The following CPXM2 variants were observed in gnomAD, a reference collection of about 807,000 sequenced individuals.
CPXM2 encodes inactive carboxypeptidase-like protein X2.
Under a neutral mutation model 86.1 loss-of-function variants are expected in CPXM2, and 66 were observed. The observed-to-expected ratio is 0.77, with a 90% CI of 0.63 to 0.94. The LOEUF is 0.94. CPXM2 is among the 40% of genes least tolerant of loss of function. The pLI, the probability that CPXM2 is intolerant of heterozygous loss-of-function variation, is 0.00. For missense variants in CPXM2, 948 were observed against 1,026.3 expected (o/e 0.92, Z 1.04); for synonymous variants, 388 against 400.2 (o/e 0.97, Z 0.36).
chr10:123,916,872 A>C (rs7082004), intron 2 of CPXM2, among the ~76,000 whole-genome samples: 4 of 151,290 alleles, frequency 2.6e-5, no homozygotes, highest in Non-Finnish European at 4.4e-5. Context: ...GGAACTCCTG[A>C]GTTCAAGCGA....
At chr10:123,783,527 C>A (rs1430537970) in intron 6 of CPXM2, among the ~76,000 whole-genome samples, 2 of 152,212 alleles carry the variant, frequency 1.3e-5, no homozygotes, top group East Asian at 3.9e-4. Context: ...TGCAGGAGCA[C>A]AGTCTCTTCT....
At chr10:123,792,231 G>A (rs1320930110) in intron 6 of CPXM2, among the ~76,000 whole-genome samples, 1 of 152,192 alleles carries the variant, frequency 6.6e-6, no homozygotes, top group East Asian at 1.9e-4. Context: ...CCAAACCTCA[G>A]GCAGGGCAAG....
chr10:123,784,986 A>G (rs1847017580), intron 6 of CPXM2, among the ~76,000 whole-genome samples: 1 of 152,236 alleles, frequency 6.6e-6, no homozygotes, highest in African/African-American at 2.4e-5. Flanking sequence ...AGGACTTTGT[A>G]ATTTTACTTC....
chr10:123,868,448 C>A (rs539651671), intron 2 of CPXM2, among the ~76,000 whole-genome samples: 8 of 152,248 alleles, frequency 5.3e-5, no homozygotes, highest in Admixed American at 3.3e-4. Flanking sequence ...AAGGCAGAGA[C>A]GGCAGAAAGG....
At chr10:123,920,137 A>C (rs1209236176) in intron 2 of CPXM2, among the ~76,000 whole-genome samples, 1 of 152,220 alleles carries the variant, frequency 6.6e-6, no homozygotes, top group Non-Finnish European at 1.5e-5. Context: ...AGATCAATAG[A>C]AATTACCCAG....
At chr10:123,841,447 A>T (rs1848383570) in intron 4 of CPXM2, among the ~76,000 whole-genome samples, 1 of 152,238 alleles carries the variant, frequency 6.6e-6, no homozygotes, top group African/African-American at 2.4e-5. Flanking sequence ...ATTTGCAACC[A>T]TCTATCTCCA....
chr10:123,770,620 C>T (rs543492795), intron 8 of CPXM2, among the ~76,000 whole-genome samples: 35 of 152,364 alleles, frequency 2.3e-4, no homozygotes, highest in South Asian at 2.1e-3. Context: ...CTGCCCACCT[C>T]AGCCACTTTC....
At chr10:123,857,431 A>T (rs189938579) in intron 3 of CPXM2, among the ~76,000 whole-genome samples, 1 of 152,180 alleles carries the variant, frequency 6.6e-6, no homozygotes, top group African/African-American at 2.4e-5. Flanking sequence ...TTAAAAACAC[A>T]TTAGCACAAT....
upstream of CPXM2, among the ~76,000 whole-genome samples, chr10:123,942,140 G>A (rs1256911565): frequency 1.3e-5 from 2 of 152,204 alleles, no homozygotes; most frequent in Admixed American, 1.3e-4. Flanking sequence ...GATGGATTTT[G>A]TCTGGTAGAA....
At chr10:123,761,166 A>G (rs1846327825) in intron 11 of CPXM2, among the ~76,000 whole-genome samples, 1 of 152,192 alleles carries the variant, frequency 6.6e-6, no homozygotes, top group South Asian at 2.1e-4. Flanking sequence ...GAGCCTCTAC[A>G]GTCCTGAGTG....
At chr10:123,788,755 GTGATGACAAAGTTT>G (rs1013179013) in intron 6 of CPXM2, among the ~76,000 whole-genome samples, 1 of 152,088 alleles carries the variant, frequency 6.6e-6, no homozygotes, top group African/African-American at 2.4e-5. Flanking sequence ...GGTTTTAGGG[GTGATGACAAAGTTT>G]TGAAACTAGA....
intron 6 of CPXM2, among the ~76,000 whole-genome samples, chr10:123,788,108 CG>C (rs1847111519): frequency 6.6e-6 from 1 of 151,440 alleles, no homozygotes; most frequent in South Asian, 2.1e-4. Context: ...GGTGAAATCC[CG>C]GTCTCTACTA....
chr10:123,771,153 C>T (rs1846620066), intron 7 of CPXM2, 114 bp from the exon 8 acceptor site: 1 of 903,442 alleles, frequency 1.1e-6, no homozygotes, highest in Non-Finnish European at 1.8e-6. Flanking sequence ...CCAAGCGCCC[C>T]CACATTCTGC....
intron 11 of CPXM2, among the ~76,000 whole-genome samples, chr10:123,758,349 AC>A (rs1171992038): frequency 2.6e-5 from 4 of 151,776 alleles, no homozygotes; most frequent in Admixed American, 6.6e-5. Context: ...GCCTTCCTTG[AC>A]TCTTGCAGCT....
chr10:123,883,724 A>G (rs1241567342), intron 1 of CPXM2, among the ~76,000 whole-genome samples: 1 of 152,222 alleles, frequency 6.6e-6, no homozygotes, highest in East Asian at 1.9e-4. Flanking sequence ...AGAGCTGCCC[A>G]AGGTCACGGA....
At chr10:123,752,334 G>A in intron 13 of CPXM2, 3 of 984,594 alleles carry the variant, frequency 3.0e-6, no homozygotes, top group Non-Finnish European at 3.6e-6. Flanking sequence ...ATGGTTCATG[G>A]CTATAAGATC....
intron 7 of CPXM2, among the ~76,000 whole-genome samples, chr10:123,778,791 T>A (rs1274138643): frequency 6.6e-6 from 1 of 152,188 alleles, no homozygotes; most frequent in Non-Finnish European, 1.5e-5. Context: ...TAAAATGGAA[T>A]GGCAAGCAGA....
chr10:123,857,760 G>A (rs1420426425), intron 3 of CPXM2, among the ~76,000 whole-genome samples: 2 of 152,188 alleles, frequency 1.3e-5, no homozygotes, highest in African/African-American at 2.4e-5. Context: ...CACTGACGCC[G>A]AGGAACAGGA....
At chr10:123,817,492 A>G (rs1331626498) in intron 4 of CPXM2, among the ~76,000 whole-genome samples, 6 of 152,298 alleles carry the variant, frequency 3.9e-5, no homozygotes, top group Admixed American at 3.3e-4. Flanking sequence ...TCTATGGGTC[A>G]TCAAGTCACC....
Sources: allele counts gnomAD v4.1 joint callset (sites outside exome capture counted in the v4.1 genomes callset), GRCh38; gene constraint gnomAD v4.1.1; transcripts MANE v1.5; gene names NCBI Gene and HGNC (gene_info 2026-07-23, HGNC 2026-07-21).